Variants in HTR4 observed in about 807,000 individuals in gnomAD.
HTR4 encodes the protein 5-hydroxytryptamine receptor 4.
A neutral mutation model predicts 36.8 loss-of-function variants in HTR4; 16 were observed. The ratio of observed to expected loss-of-function variants is 0.43; its 90% CI spans 0.29 to 0.66. The LOEUF (loss-of-function observed/expected upper bound fraction) is 0.66. HTR4 is among the 30% of genes least tolerant of loss of function. HTR4 has a pLI of 0.13. For missense variants in HTR4, 438 were observed against 490.9 expected, an observed-to-expected ratio of 0.89 and a Z score of 1.02; for synonymous variants, 189 against 185.1, an observed-to-expected ratio of 1.02 and a Z score of -0.17.
chr5:148,479,088 T>A (rs942843283), downstream of HTR4, among the ~76,000 whole-genome samples: 1 of 152,090 alleles, frequency 6.6e-6, no homozygotes, highest in Admixed American at 6.6e-5. Flanking sequence ...TCACACTGCC[T>A]TAAATGCCTC....
intron 2 of HTR4, among the ~76,000 whole-genome samples, chr5:148,619,837 A>C (rs1752848102): frequency 6.6e-6 from 1 of 152,232 alleles, no homozygotes. Context: ...ACAGAAAAGC[A>C]TGAAACATAT....
intron 4 of HTR4, among the ~76,000 whole-genome samples, chr5:148,537,719 G>T (rs906883201): frequency 6.6e-6 from 1 of 152,078 alleles, no homozygotes; most frequent in Non-Finnish European, 1.5e-5. Context: ...CCAATGATTA[G>T]CTCTGAAATT....
downstream of HTR4, chr5:148,481,530 A>G (rs1000000263): frequency 3.3e-5 from 50 of 1,516,476 alleles, no homozygotes; most frequent in Admixed American, 1.0e-4. Flanking sequence ...CATAGGACAG[A>G]GAGGCTTTTT....
intron 5 of HTR4, among the ~76,000 whole-genome samples, chr5:148,452,316 C>T (rs1273881669): frequency 6.6e-6 from 1 of 152,122 alleles, no homozygotes; most frequent in African/African-American, 2.4e-5. Context: ...AAGACACATC[C>T]AATCAAACCC....
chr5:148,592,754 C>T (rs772587640), intron 2 of HTR4, among the ~76,000 whole-genome samples: 7 of 151,860 alleles, frequency 4.6e-5, no homozygotes, highest in African/African-American at 7.3e-5. Flanking sequence ...GTGTCTCATA[C>T]GAAATATAAA....
intron 2 of HTR4, among the ~76,000 whole-genome samples, chr5:148,600,993 A>C (rs948855895): frequency 6.7e-6 from 1 of 148,734 alleles, no homozygotes; most frequent in Non-Finnish European, 1.5e-5. Flanking sequence ...AAAAAAAAAA[A>C]AAAAAAAAAA....
At chr5:148,488,237 C>A (rs1485842467) in intron 6 of HTR4, among the ~76,000 whole-genome samples, 1 of 152,160 alleles carries the variant, frequency 6.6e-6, no homozygotes, top group African/African-American at 2.4e-5. Context: ...CTGTGAGTGA[C>A]ATCTCAGAGA....
intron 5 of HTR4, chr5:148,465,987 A>G (rs1755417100): frequency 1.9e-6 from 3 of 1,580,532 alleles, no homozygotes; most frequent in Non-Finnish European, 2.6e-6. Flanking sequence ...TTGGGAAAGA[A>G]AAAAGAAAAA....
At chr5:148,474,888 T>C (rs761670144), downstream of HTR4, among the ~76,000 whole-genome samples, 27 of 152,034 alleles carry the variant, frequency 1.8e-4, no homozygotes, top group Middle Eastern at 6.8e-3. Flanking sequence ...TCTATCAAAA[T>C]ACAAAAAATT....
intron 5 of HTR4, among the ~76,000 whole-genome samples, chr5:148,455,484 G>A (rs1037814868): frequency 1.3e-5 from 2 of 152,186 alleles, no homozygotes; most frequent in African/African-American, 4.8e-5. Context: ...ATGTGCTAAT[G>A]AGTCACTTGT....
At chr5:148,506,323 G>A (rs1315661575) in intron 6 of HTR4, among the ~76,000 whole-genome samples, 1 of 152,174 alleles carries the variant, frequency 6.6e-6, no homozygotes, top group Admixed American at 6.5e-5. Context: ...CTAGCCATAG[G>A]TAGAAAGCTG....
chr5:148,547,610 T>C (rs1324210058), intron 4 of HTR4, among the ~76,000 whole-genome samples: 1 of 151,248 alleles, frequency 6.6e-6, no homozygotes, highest in Non-Finnish European at 1.5e-5. Context: ...AAACAGTGAT[T>C]GTCTGAGCAC....
intron 2 of HTR4, among the ~76,000 whole-genome samples, chr5:148,607,060 AT>A: frequency 6.6e-6 from 1 of 152,188 alleles, no homozygotes; most frequent in Non-Finnish European, 1.5e-5. Context: ...GTAAAAAGGT[AT>A]TGTGGGGAAG....
intron 6 of HTR4, among the ~76,000 whole-genome samples, chr5:148,506,707 G>T (rs2113765372): frequency 6.6e-6 from 1 of 152,234 alleles, no homozygotes; most frequent in East Asian, 1.9e-4. Context: ...TCAACAAGTG[G>T]GTGAAGGATA....
chr5:148,510,016 C>T lies in HTR4; in HGVS notation c.516G>A (p.Lys172=). The T allele has an allele frequency of 6.2e-7, 1 of 1,608,130 alleles. No homozygotes were observed. Among genetic ancestry groups the T allele is most frequent in the African/African-American group, 1.3e-5 (1 of 74,820 alleles). ...AGTTAGAGTTCTGGTTGAACTTCCT[C>T]TTTTCTATCTGAGAGTTGGAGGGAG... ...NNIGIIDLIE[K]RKFNQNSNST... is the part of the protein sequence containing the mutation. The change falls in exon 6 of 7, where the codon AAG becomes AAA. Residue 172 remains lysine, a synonymous_variant. Coordinates refer to ENST00000377888, the MANE Select transcript of HTR4 (RefSeq NM_000870.7).
chr5:148,551,223 C>T (rs1326176179), intron 2 of HTR4, among the ~76,000 whole-genome samples: 1 of 152,200 alleles, frequency 6.6e-6, no homozygotes, highest in African/African-American at 2.4e-5. Flanking sequence ...GCAGAAGCTT[C>T]TGCTTACAGG....
chr5:148,498,305 A>G (rs991031456), intron 6 of HTR4, among the ~76,000 whole-genome samples: 2 of 152,186 alleles, frequency 1.3e-5, no homozygotes, highest in African/African-American at 4.8e-5. Context: ...GCCCCACAAT[A>G]TCAGAGTGTT....
At chr5:148,552,641 T>C (rs1459674125) in intron 2 of HTR4, among the ~76,000 whole-genome samples, 1 of 152,216 alleles carries the variant, frequency 6.6e-6, no homozygotes, top group African/African-American at 2.4e-5. Context: ...CCAGTTAGTG[T>C]ACCACAGCCA....
At chr5:148,467,968 G>A (rs1755470901) in intron 5 of HTR4, among the ~76,000 whole-genome samples, 2 of 152,204 alleles carry the variant, frequency 1.3e-5, no homozygotes, top group African/African-American at 4.8e-5. Context: ...AGACAATGTA[G>A]AAAACTTTAA....
Sources: gnomAD v4.1 joint callset for allele counts (sites outside exome capture counted in the v4.1 genomes callset) on GRCh38, gnomAD v4.1.1 for gene constraint, MANE v1.5 for transcripts, NCBI Gene and HGNC (gene_info 2026-07-23, HGNC 2026-07-21) for gene names.